The following UNC45A variants were observed in gnomAD, a reference collection of about 807,000 sequenced individuals.
UNC45A encodes unc-45 myosin chaperone A, also known as protein unc-45 homolog A.
In UNC45A, 78 loss-of-function variants were observed where a neutral mutation model predicts 103.2. The observed-to-expected ratio is 0.76, with a 90% CI of 0.63 to 0.91. The LOEUF (loss-of-function observed/expected upper bound fraction) is 0.91. UNC45A is among the 40% of genes least tolerant of loss of function. The pLI, the probability that UNC45A is intolerant of heterozygous loss-of-function variation, is 0.00. For synonymous variants in UNC45A, 495 were observed against 504.6 expected (o/e 0.98, Z 0.25); for missense variants, 1,193 against 1,224.8 (o/e 0.97, Z 0.39).
chr15:90,951,434 TTAAG>T (rs1181330243), intron 17 of UNC45A, among the ~76,000 whole-genome samples: 1 of 152,144 alleles, frequency 6.6e-6, no homozygotes, highest in African/African-American at 2.4e-5. Flanking sequence ...ATGGTGAGAA[TTAAG>T]TAAGATGATC....
At chr15:90,948,875 CTTTT>C (rs5814443) in intron 13 of UNC45A, 81 bp downstream of exon 13, 7,834 of 977,174 alleles carry the variant, frequency 8.0e-3, no homozygotes, top group South Asian at 0.017. Flanking sequence ...AACAACCTCC[CTTTT>C]TTTTTTTTTT....
intron 9 of UNC45A, among the ~76,000 whole-genome samples, chr15:90,945,549 C>G (rs554793262): frequency 6.6e-6 from 1 of 151,812 alleles, no homozygotes; most frequent in Non-Finnish European, 1.5e-5. Context: ...TTAGTAGAGA[C>G]GGGGTTTCTC....
In UNC45A at chr15:90,940,394, T is replaced by C; in HGVS notation, c.608T>C (p.Leu203Ser). The C allele has an allele frequency of 6.2e-7, 1 of 1,614,188 alleles. No individual in the cohort carries two copies. Among genetic ancestry groups the C allele is most frequent in the Non-Finnish European group, 8.5e-7 (1 of 1,180,016 alleles). Residue 203 changes from leucine (L) to serine (S), a missense_variant, in exon 6 of 20, where the codon TTA becomes TCA. Physicochemically the swap from Leu to Ser is moderately radical, Grantham distance 145 (BLOSUM62 -2). Transcript: ENST00000418476. ...RSNGVQLLQRLLDMGETDLML... is the reference protein window; with the variant it reads ...RSNGVQLLQRSLDMGETDLML... Reference sequence around the variant, plus strand: ...AATGGGGTTCAGCTCTTGCAACGTTTACTGGACATGGGAGAGACTGACCTC... The same window carrying C: ...AATGGGGTTCAGCTCTTGCAACGTTCACTGGACATGGGAGAGACTGACCTC...
chr15:90,932,516 G>A (rs2035840242), upstream of UNC45A: 6 of 1,298,344 alleles, frequency 4.6e-6, no homozygotes, highest in Non-Finnish European at 4.9e-6. Flanking sequence ...GCAGCCTCCA[G>A]CAGCTGCGCC....
chr15:90,943,093 T>C lies in UNC45A; in HGVS notation c.1027+11T>C, dbSNP rs771393035. ...GGGTCATCGACCAAGGTAGGTGATA[T>C]AGTTCACAAAAACTTGCTTCAGCAG... On this transcript the variant is annotated intron_variant, in intron 8 of 19. Transcript: ENST00000418476. The C allele has an allele frequency of 1.5e-5, 24 of 1,581,906 alleles. 1 individual carries two copies. Among genetic ancestry groups the C allele is most frequent in the South Asian group, 9.1e-5 (8 of 87,728 alleles).
chr15:90,944,616 G>C (rs557605100), intron 8 of UNC45A, among the ~76,000 whole-genome samples: 1 of 152,286 alleles, frequency 6.6e-6, no homozygotes, highest in East Asian at 1.9e-4. Flanking sequence ...TTTCCCCTTA[G>C]TTTTACAGAT....
Position 90,953,593 on chromosome 15 carries a change from G to A in UNC45A, c.2712G>A (p.Glu904=). 1 of 1,614,152 alleles carries A rather than the reference G, an allele frequency of 6.2e-7. No individual in the cohort carries two copies. Among genetic ancestry groups the A allele is most frequent in the South Asian group, 1.1e-5 (1 of 91,090 alleles). The stretch of plus-strand genomic sequence containing the variant: ...TTGCCAGCACCCTGATGGAGAGTGA[G>A]ATGATGGAGATCTTGTCAGTGCTAG... ...REIASTLMES[E]MMEILSVLAK... Residue 904 remains glutamate, a synonymous_variant, in exon 20 of 20, where the codon GAG becomes GAA. Transcript: ENST00000418476.
intron 14 of UNC45A, 25 bp from the exon 15 acceptor site, chr15:90,949,629 G>T: frequency 6.2e-7 from 1 of 1,613,678 alleles, no homozygotes; most frequent in Non-Finnish European, 8.5e-7. Flanking sequence ...AGAGCTGCCT[G>T]CCCACCACCG....
At chr15:90,945,463 G>C (rs2036516886) in intron 9 of UNC45A, among the ~76,000 whole-genome samples, 1 of 151,596 alleles carries the variant, frequency 6.6e-6, no homozygotes, top group Non-Finnish European at 1.5e-5. Flanking sequence ...TAGGGTTCAA[G>C]CGATTCTCCT....
chr15:90,949,938 T>C, intron 15 of UNC45A: 4 of 666,682 alleles, frequency 6.0e-6, no homozygotes, highest in Non-Finnish European at 1.0e-5. Flanking sequence ...ACTGTTCCTT[T>C]GTCTCATTTA....
At chr15:90,931,828 C>G (rs1567143846), upstream of UNC45A, 2 of 1,614,160 alleles carry the variant, frequency 1.2e-6, no homozygotes, top group Non-Finnish European at 1.7e-6. Flanking sequence ...CCAGCTTGGG[C>G]AGAGTCTTGT....
chr15:90,948,872 TC>T, intron 13 of UNC45A, 78 bp downstream of exon 13: 6 of 715,658 alleles, frequency 8.4e-6, no homozygotes, highest in South Asian at 4.9e-5. Flanking sequence ...CAGAACAACC[TC>T]CCTTTTTTTT....
upstream of UNC45A, chr15:90,932,620 G>T: frequency 3.4e-6 from 3 of 890,842 alleles, no homozygotes; most frequent in Non-Finnish European, 4.5e-6. Context: ...GGGGAGGCCC[G>T]GGGATCGTGG....
intron 11 of UNC45A, 83 bp downstream of exon 11, chr15:90,947,973 C>A: frequency 1.4e-6 from 2 of 1,433,024 alleles, no homozygotes; most frequent in Non-Finnish European, 1.9e-6. Flanking sequence ...TTGGGGCCTC[C>A]TCCGTCCTGC....
In UNC45A at chr15:90,942,938, A is replaced by G; in HGVS notation, c.883A>G (p.Ile295Val). 1.2e-6 allele frequency: 2 copies of G among 1,612,120 alleles called. No individual in the cohort carries two copies. Among genetic ancestry groups the G allele is most frequent in the South Asian group, 2.2e-5 (2 of 90,902 alleles). Residue 295 changes from isoleucine (I) to valine (V), a missense_variant, in exon 8 of 20, where the codon ATC (isoleucine) becomes GTC (valine). Transcript: ENST00000418476. ...VDPARELKVL[I>V]SNLLDLLTEV... ...TCCTGCCCGGGAGCTGAAGGTCCTCATCAGTAACCTCTTAGATCTGCTGAC... is the reference window on the plus strand; with the variant it reads ...TCCTGCCCGGGAGCTGAAGGTCCTCGTCAGTAACCTCTTAGATCTGCTGAC...
chr15:90,932,829 C>T (rs1391765446), upstream of UNC45A: 3 of 343,160 alleles, frequency 8.7e-6, no homozygotes, highest in Non-Finnish European at 1.0e-5. Flanking sequence ...GGAAGACAGA[C>T]AAGAAATAAG....
chr15:90,932,423 G>T, upstream of UNC45A: 1 of 1,340,936 alleles, frequency 7.5e-7, no homozygotes. Flanking sequence ...CGGCCGACGC[G>T]CCCACCGATG....
Position 90,946,926 on chromosome 15 carries a change from G to A in UNC45A, c.1500+12G>A. The A allele has an allele frequency of 6.3e-7, 1 of 1,585,146 alleles. No homozygotes were observed. Among genetic ancestry groups the A allele is most frequent in the Non-Finnish European group, 8.6e-7 (1 of 1,160,886 alleles). On this transcript the variant is annotated intron_variant, in intron 10 of 19. Transcript: ENST00000418476. Reference sequence around the variant, plus strand: ...TCCGGGCGCTAGTGGTGAGACGGTGGGCCTGGGGTGGGTGGGCAGGCAGCC... The same window carrying A: ...TCCGGGCGCTAGTGGTGAGACGGTGAGCCTGGGGTGGGTGGGCAGGCAGCC...
intron 13 of UNC45A, 87 bp from the exon 14 acceptor site, chr15:90,949,229 C>G (rs1184736418): frequency 6.6e-7 from 1 of 1,514,684 alleles, no homozygotes; most frequent in African/African-American, 1.4e-5. Flanking sequence ...GTTTTATTTC[C>G]CAGTTCCTCA....
Sources: allele counts gnomAD v4.1 joint callset (sites outside exome capture counted in the v4.1 genomes callset), GRCh38; gene constraint gnomAD v4.1.1; transcripts MANE v1.5; gene names NCBI Gene and HGNC (gene_info 2026-07-23, HGNC 2026-07-21).